Variants in OCA2 observed in about 807,000 individuals in gnomAD.
The protein encoded by OCA2 is OCA2 melanosomal transmembrane protein, also known as P protein.
Under a neutral mutation model 100.2 loss-of-function variants are expected in OCA2, and 77 were observed. The observed-to-expected ratio is 0.77, with a 90% CI of 0.64 to 0.93. The LOEUF (loss-of-function observed/expected upper bound fraction) is 0.93. Ranked by LOEUF, OCA2 falls within the 40% of genes least tolerant of loss-of-function variation. The pLI is 0.00. For synonymous variants in OCA2, 432 were observed against 439.2 expected (o/e 0.98, Z 0.21); for missense variants, 1,062 against 1,089.1 (o/e 0.98, Z 0.35).
chr15:27,888,674 T>C (rs575346998), intron 19 of OCA2, among the ~76,000 whole-genome samples: 1 of 152,122 alleles, frequency 6.6e-6, no homozygotes, highest in Non-Finnish European at 1.5e-5. Flanking sequence ...TAATTTTATA[T>C]CATCAATACA....
intron 9 of OCA2, among the ~76,000 whole-genome samples, chr15:27,995,038 TTC>T (rs2041677667): frequency 6.6e-6 from 1 of 152,176 alleles, no homozygotes; most frequent in Non-Finnish European, 1.5e-5. Context: ...ACCCACCCTC[TTC>T]CACTGATAAA....
At position 28,027,931 on chromosome 15, in the gene OCA2, G is replaced by A. The variant is rs756930764; in HGVS notation, c.455C>T (p.Ser152Phe). 5 of 1,614,180 alleles carry A rather than the reference G, an allele frequency of 3.1e-6. No individual in the cohort carries two copies. Among genetic ancestry groups the A allele is most frequent in the Middle Eastern group, 1.7e-4 (1 of 6,028 alleles). ...REVSGLSASA[S>F]SEKGDLLDSP... ...GTCCAGAAGGTCTCCCTTCTCGGAG[G>A]AGGCAGATGCAGACAGACCAGACAC... Residue 152 changes from serine to phenylalanine, a missense_variant, in exon 4 of 24, where the codon TCC (serine) becomes TTC (phenylalanine). By Grantham distance (155) the Ser-to-Phe change is radical. Coordinates refer to ENST00000354638, the MANE Select transcript of OCA2 (RefSeq NM_000275.3).
At chr15:27,853,613 G>A (rs910028314) in intron 21 of OCA2, among the ~76,000 whole-genome samples, 1 of 151,590 alleles carries the variant, frequency 6.6e-6, no homozygotes, top group Non-Finnish European at 1.5e-5. Flanking sequence ...TGTTCAAACA[G>A]CATGCCCCCT....
chr15:27,989,293 T>C (rs2041465830), intron 11 of OCA2, among the ~76,000 whole-genome samples: 1 of 149,384 alleles, frequency 6.7e-6, no homozygotes, highest in African/African-American at 2.4e-5. Flanking sequence ...AACTCCTACA[T>C]GGTTTATTTA....
At chr15:27,901,809 A>T (rs2037948199) in intron 19 of OCA2, among the ~76,000 whole-genome samples, 1 of 152,210 alleles carries the variant, frequency 6.6e-6, no homozygotes, top group South Asian at 2.1e-4. Context: ...AAGTCCCCAG[A>T]CGTAGCAGGT....
Position 27,938,659 on chromosome 15 carries a change from A to C in OCA2, c.1952-12405T>G, listed in dbSNP as rs1595683698. Reference sequence around the variant, plus strand: ...CTAATGAGAACACACAGACACAGACACAGAGGCAGGATTTTTGTCCTTGAT... The same window carrying C: ...CTAATGAGAACACACAGACACAGACCCAGAGGCAGGATTTTTGTCCTTGAT... On this transcript the variant is annotated intron_variant, in intron 18 of 23. Coordinates refer to ENST00000354638, the MANE Select transcript of OCA2 (RefSeq NM_000275.3). Among the ~76,000 whole-genome samples the C allele has an allele frequency of 3.3e-5, 5 of 152,192 alleles. No individual in the cohort carries two copies. The South Asian group carries it at 1.0e-3, about 31-fold the overall frequency.
intron 21 of OCA2, among the ~76,000 whole-genome samples, chr15:27,859,405 C>A (rs2036051984): frequency 6.6e-6 from 1 of 152,020 alleles, no homozygotes; most frequent in African/African-American, 2.4e-5. Flanking sequence ...TACATGCCAA[C>A]AAATTGTGTT....
rs143606791 is a variant in OCA2 at position 27,924,163 on chromosome 15, G to T, written c.2079+1964C>A. 1.1e-3 allele frequency among the ~76,000 whole-genome samples: 161 copies of T among 152,242 alleles called. 1 individual carries two copies. Among genetic ancestry groups the T allele is most frequent in the African/African-American group, 3.7e-3 (154 of 41,534 alleles). ...GGTCAGCTTTGTCGAAGATCAGATG[G>T]TCATAGGTGTACAGCCTTATTTCTG... On this transcript the variant is annotated intron_variant, in intron 19 of 23. Coordinates refer to ENST00000354638, the MANE Select transcript of OCA2 (RefSeq NM_000275.3).
chr15:27,940,655 G>GA (rs2039616217), intron 18 of OCA2, among the ~76,000 whole-genome samples: 1 of 152,218 alleles, frequency 6.6e-6, no homozygotes, highest in Non-Finnish European at 1.5e-5. Flanking sequence ...TCCGGCACAA[G>GA]AAAATATCAA....
intron 19 of OCA2, among the ~76,000 whole-genome samples, chr15:27,888,228 C>T (rs1375166): frequency 0.19 from 28,840 of 152,158 alleles, 3,926 homozygotes; most frequent in East Asian, 0.56. Context: ...ATCAAAGTAG[C>T]ACTGCAAGAT....
intron 2 of OCA2, among the ~76,000 whole-genome samples, chr15:28,062,965 A>G (rs1001675896): frequency 6.6e-6 from 1 of 152,182 alleles, no homozygotes; most frequent in African/African-American, 2.4e-5. Flanking sequence ...GTGGCTTTGT[A>G]GTAACTTCTG....
intron 19 of OCA2, among the ~76,000 whole-genome samples, chr15:27,925,450 G>C (rs2039009724): frequency 6.6e-6 from 1 of 152,068 alleles, no homozygotes; most frequent in South Asian, 2.1e-4. Context: ...ACAAATATTT[G>C]GAGCCTTCAA....
intron 1 of OCA2, among the ~76,000 whole-genome samples, chr15:28,088,433 T>C (rs566014101): frequency 2.0e-5 from 3 of 152,204 alleles, no homozygotes; most frequent in Admixed American, 2.0e-4. Context: ...GTAACATGTA[T>C]ATATACTTTA....
At chr15:27,954,766 G>T (rs556679414) in intron 17 of OCA2, among the ~76,000 whole-genome samples, 2 of 151,522 alleles carry the variant, frequency 1.3e-5, no homozygotes, top group Non-Finnish European at 1.5e-5. Context: ...GCACACTCAC[G>T]CATCCTATGT....
chr15:27,958,723 CAT>C (rs1245509482), intron 15 of OCA2, among the ~76,000 whole-genome samples: 1 of 152,186 alleles, frequency 6.6e-6, no homozygotes, highest in African/African-American at 2.4e-5. Flanking sequence ...AAAAACATTA[CAT>C]ATGTTTCTCA....
At chr15:28,083,388 T>C (rs2044713208) in intron 1 of OCA2, among the ~76,000 whole-genome samples, 1 of 152,204 alleles carries the variant, frequency 6.6e-6, no homozygotes, top group Non-Finnish European at 1.5e-5. Context: ...TTCCCTGCTT[T>C]AACCAACCAC....
At chr15:27,887,012 C>T (rs1469246996) in intron 19 of OCA2, among the ~76,000 whole-genome samples, 1 of 152,182 alleles carries the variant, frequency 6.6e-6, no homozygotes, top group African/African-American at 2.4e-5. Context: ...TCTTTCCCAG[C>T]TGTTCTCATG....
intron 22 of OCA2, among the ~76,000 whole-genome samples, chr15:27,845,655 A>G (rs1595505217): frequency 6.6e-6 from 1 of 150,882 alleles, no homozygotes; most frequent in Non-Finnish European, 1.5e-5. Context: ...ATGAGATCCA[A>G]CCCCCCACAC....
Position 28,043,079 on chromosome 15 carries a change from A to G in OCA2, c.228-10916T>C, listed in dbSNP as rs1717397816. Among the ~76,000 whole-genome samples, 1 of 152,256 alleles carries G rather than the reference A, an allele frequency of 6.6e-6. No individual in the cohort carries two copies. Among genetic ancestry groups the G allele is most frequent in the Non-Finnish European group, 1.5e-5 (1 of 68,038 alleles). On this transcript the variant is annotated intron_variant, in intron 2 of 23. Coordinates refer to ENST00000354638, the MANE Select transcript of OCA2 (RefSeq NM_000275.3). The surrounding 1 kb of genome is among the most constrained non-coding windows in gnomAD (Gnocchi z 4.4). ...CACAAGAAATATTGAATATAAATGG[A>G]TATTAATAATTGGCAAAAAAGTATA... is the stretch of plus-strand genomic sequence containing the variant.
Sources: allele counts gnomAD v4.1 joint callset (sites outside exome capture counted in the v4.1 genomes callset), GRCh38; gene constraint gnomAD v4.1.1; non-coding constraint Gnocchi (gnomAD v3.1); transcripts MANE v1.5; gene names NCBI Gene and HGNC (gene_info 2026-07-23, HGNC 2026-07-21).